The following CDH23 variants were observed in gnomAD, a reference collection of about 807,000 sequenced individuals.
CDH23 encodes cadherin related 23.
In CDH23, 189 loss-of-function variants were observed where a neutral mutation model predicts 317.1. That is an observed-to-expected ratio of 0.60 (90% CI 0.53 to 0.67). The LOEUF is 0.67. Ranked by LOEUF, CDH23 falls within the 30% of genes least tolerant of loss-of-function variation. The probability of loss-of-function intolerance (pLI) is 0.00; values close to 1 mark genes in which losing one functional copy is unlikely to be tolerated. For synonymous variants in CDH23, 1,839 were observed against 1,876.8 expected, an observed-to-expected ratio of 0.98 and a Z score of 0.52; for missense variants, 4,401 against 4,592.4, an observed-to-expected ratio of 0.96 and a Z score of 1.20.
At chr10:71,610,390 C>G (rs1028640808) in intron 9 of CDH23, among the ~76,000 whole-genome samples, 3 of 152,206 alleles carry the variant, frequency 2.0e-5, no homozygotes, top group Non-Finnish European at 1.5e-5. Context: ...ATCCTATTTC[C>G]TTGCCCCATA....
chr10:71,610,935 C>G (rs1212746827), intron 9 of CDH23, among the ~76,000 whole-genome samples: 1 of 144,926 alleles, frequency 6.9e-6, no homozygotes, highest in Non-Finnish European at 1.5e-5. Flanking sequence ...CACCCCAAAA[C>G]CCCTCCCCTA....
intron 11 of CDH23, among the ~76,000 whole-genome samples, chr10:71,626,248 G>A (rs1451731399): frequency 6.6e-6 from 1 of 152,138 alleles, no homozygotes; most frequent in Non-Finnish European, 1.5e-5. Flanking sequence ...CAGAAGGGTC[G>A]TGGCACAAAA....
At chr10:71,416,338 T>C (rs986277858) in intron 1 of CDH23, among the ~76,000 whole-genome samples, 40 of 152,228 alleles carry the variant, frequency 2.6e-4, no homozygotes, top group African/African-American at 9.4e-4. Context: ...GCCTGTATTC[T>C]TAACTTATTA....
At chr10:71,468,958 T>C (rs1305463238) in intron 3 of CDH23, among the ~76,000 whole-genome samples, 2 of 152,084 alleles carry the variant, frequency 1.3e-5, no homozygotes, top group Admixed American at 1.3e-4. Flanking sequence ...TCTGCCAGGC[T>C]CCTTCTCTGT....
chr10:71,776,091 T>C (rs961615660), intron 38 of CDH23, among the ~76,000 whole-genome samples: 1 of 152,206 alleles, frequency 6.6e-6, no homozygotes, highest in Non-Finnish European at 1.5e-5. Flanking sequence ...AGCCAGGTCC[T>C]TTATTAAACA....
chr10:71,688,588 T>A (rs1158674422), intron 19 of CDH23, among the ~76,000 whole-genome samples: 10 of 127,702 alleles, frequency 7.8e-5, no homozygotes, highest in Non-Finnish European at 3.3e-5. Context: ...GAGTCAGGGG[T>A]GGTGGAGTCA....
At chr10:71,692,127 G>T (rs947247959) in intron 20 of CDH23, among the ~76,000 whole-genome samples, 2 of 152,172 alleles carry the variant, frequency 1.3e-5, no homozygotes, top group Admixed American at 1.3e-4. Context: ...TGTGAGGCAG[G>T]TACTAGCCTT....
intron 3 of CDH23, among the ~76,000 whole-genome samples, chr10:71,494,819 G>A (rs1203277126): frequency 6.6e-6 from 1 of 152,202 alleles, no homozygotes; most frequent in Non-Finnish European, 1.5e-5. Flanking sequence ...ATAACCCCCA[G>A]TTGATCTCAG....
chr10:71,800,735 C>T lies in CDH23; in HGVS notation c.7462C>T (p.Arg2488Cys), dbSNP rs909808363. ...KDNPGDVASN[R>C]RENSVQVVIQ... ...CAACCCTGGGGATGTAGCCAGCAAC[C>T]GTCGCGAAAATTCAGTGCAGGTGAG... The change falls in exon 53 of 70, where the codon CGT (arginine) becomes TGT (cysteine). Residue 2488 changes from arginine to cysteine, a missense_variant. Arg to Cys is a radical substitution (Grantham distance 180, BLOSUM62 -3). This residue lies in a region of CDH23 where 189 missense variants were observed against 250.9 expected (regional missense o/e 0.75). Transcript: ENST00000224721. 17 of 1,613,888 alleles carry T rather than the reference C, an allele frequency of 1.1e-5. No homozygotes were observed. The highest frequency in any genetic ancestry group is 1.7e-4 in the Middle Eastern group (1 of 6,058).
Position 71,535,160 on chromosome 10 carries a change from C to T in CDH23, c.429+23948C>T, listed in dbSNP as rs1255522979. ...GGTGGTTTATGGAGCAGGAGAAAGA[C>T]AGCAGTAGGACTGAAGGAAGGGCAG... On this transcript the variant is annotated intron_variant, in intron 6 of 69. Coordinates refer to ENST00000224721, the MANE Select transcript of CDH23 (RefSeq NM_022124.6). 4.6e-5 allele frequency among the ~76,000 whole-genome samples: 7 copies of T among 152,356 alleles called. No homozygotes were observed. The South Asian group carries it at 8.3e-4, about 18-fold the overall frequency.
chr10:71,563,346 C>T (rs1026701756), intron 6 of CDH23, among the ~76,000 whole-genome samples: 2 of 152,130 alleles, frequency 1.3e-5, no homozygotes, highest in Non-Finnish European at 2.9e-5. Context: ...GTTTAGGAGC[C>T]TCCCAGGCCC....
At position 71,549,686 on chromosome 10, in the gene CDH23, C is replaced by T. The variant is rs550883401; in HGVS notation, c.430-17056C>T. On this transcript the variant is annotated intron_variant, in intron 6 of 69. Transcript: ENST00000224721. ...TGCAGAACAGAGGAGAGGCAGCCTGCGGGCCATTTTCAGATCAAAATCCAC... is the reference window on the plus strand; with the variant it reads ...TGCAGAACAGAGGAGAGGCAGCCTGTGGGCCATTTTCAGATCAAAATCCAC... Among the ~76,000 whole-genome samples the T allele has an allele frequency of 2.1e-4, 32 of 152,296 alleles. 1 individual carries two copies. In the South Asian group the frequency reaches 6.0e-3, roughly 29 times the overall value.
In CDH23 at chr10:71,411,918, G is replaced by A. The variant is rs1848361761; in HGVS notation, c.-6+14600G>A. Among the ~76,000 whole-genome samples, 6 of 152,078 alleles carry A rather than the reference G, an allele frequency of 3.9e-5. No homozygotes were observed. The South Asian group carries it at 1.2e-3, about 32-fold the overall frequency. ...ACCACTATGCATTTCTAAAACTTCT[G>A]CATCATCTGAAATGGAAATACTGTA... On this transcript the variant is annotated intron_variant, in intron 1 of 69. Transcript: ENST00000224721.
chr10:71,637,590 CCA>C (rs1862336459), intron 11 of CDH23, among the ~76,000 whole-genome samples: 1 of 152,136 alleles, frequency 6.6e-6, no homozygotes, highest in Non-Finnish European at 1.5e-5. Flanking sequence ...AGGCTCAACT[CCA>C]GAGGTTGTGG....
chr10:71,474,043 C>G (rs189269149), intron 3 of CDH23, among the ~76,000 whole-genome samples: 3 of 152,354 alleles, frequency 2.0e-5, no homozygotes, highest in Admixed American at 2.0e-4. Context: ...TCATCTATAA[C>G]CTAGGAATGG....
intron 1 of CDH23, among the ~76,000 whole-genome samples, chr10:71,422,611 G>A (rs568829682): frequency 1.3e-5 from 2 of 152,358 alleles, no homozygotes; most frequent in South Asian, 2.1e-4. Flanking sequence ...GGTTTTTAGC[G>A]TTCCTTGTAT....
chr10:71,735,525 G>T (rs1004728839), intron 34 of CDH23, among the ~76,000 whole-genome samples: 1 of 152,126 alleles, frequency 6.6e-6, no homozygotes, highest in Non-Finnish European at 1.5e-5. Context: ...CATCAATCTG[G>T]CCTGGACACT....
At chr10:71,646,941 T>C in intron 14 of CDH23, 1 of 984,862 alleles carries the variant, frequency 1.0e-6, no homozygotes, top group Non-Finnish European at 1.2e-6. Context: ...GGTGGGAAGG[T>C]GCCAGCCATC....
intron 1 of CDH23, among the ~76,000 whole-genome samples, chr10:71,432,086 C>T (rs1341771836): frequency 6.6e-6 from 1 of 152,164 alleles, no homozygotes; most frequent in Admixed American, 6.5e-5. Context: ...CTGGCTTCCT[C>T]CAACCTGGGC....
Sources: gnomAD v4.1 joint callset for allele counts (sites outside exome capture counted in the v4.1 genomes callset) on GRCh38, gnomAD v4.1.1 for gene constraint, gnomAD v4.1.1 regional missense constraint, MANE v1.5 for transcripts, NCBI Gene and HGNC (gene_info 2026-07-23, HGNC 2026-07-21) for gene names.